Variants in ESRP2 observed in about 807,000 individuals in gnomAD.
The protein encoded by ESRP2 is RNA binding motif protein 35A.
A neutral mutation model predicts 78.6 loss-of-function variants in ESRP2; 48 were observed. The ratio of observed to expected loss-of-function variants is 0.61; its 90% confidence interval spans 0.48 to 0.78. The LOEUF (loss-of-function observed/expected upper bound fraction) is 0.78. Ranked by LOEUF, ESRP2 falls within the 30% of genes least tolerant of loss-of-function variation. The probability of loss-of-function intolerance (pLI) is 0.00; values close to 1 mark genes in which losing one functional copy is unlikely to be tolerated. For synonymous variants in ESRP2, 383 were observed against 406.7 expected (o/e 0.94, Z 0.70); for missense variants, 863 against 965.9 (o/e 0.89, Z 1.41).
chr16:68,232,551 G>C lies in ESRP2; in HGVS notation c.821+26C>G. 9 of 1,613,952 alleles carry C rather than the reference G, an allele frequency of 5.6e-6. No homozygotes were observed. The highest frequency in any genetic ancestry group is 7.6e-6 in the Non-Finnish European group (9 of 1,179,980). On this transcript the variant is annotated intron_variant, in intron 7 of 14. Transcript: ENST00000473183. This position sits in a 1 kb window ranked among gnomAD's most constrained non-coding sequence, Gnocchi z 5.2. ...GCCTCCTGGGTAGGCCTGTCCAATT[G>C]GGCCCACCCACCCTGCCACACCCAC...
chr16:68,232,556 C>T lies in ESRP2; in HGVS notation c.821+21G>A. 6.2e-7 allele frequency: 1 copy of T among 1,614,076 alleles called. No homozygotes were observed. Among genetic ancestry groups the T allele is most frequent in the Non-Finnish European group, 8.5e-7 (1 of 1,179,998 alleles). On this transcript the variant is annotated intron_variant, in intron 7 of 14. Coordinates refer to ENST00000473183, the MANE Select transcript of ESRP2 (RefSeq NM_024939.3). The surrounding 1 kb of genome is among the most constrained non-coding windows in gnomAD (Gnocchi z 5.2). ...CTGGGTAGGCCTGTCCAATTGGGCC[C>T]ACCCACCCTGCCACACCCACCTGGC...
chr16:68,234,436 G>A (rs2042193627), intron 2 of ESRP2: 2 of 251,560 alleles, frequency 8.0e-6, no homozygotes, highest in South Asian at 8.2e-5. Flanking sequence ...AAGGGGCGGG[G>A]CAAAGCAGGT....
At chr16:68,233,615 T>A in intron 4 of ESRP2, 153 bp downstream of exon 4, 1 of 737,436 alleles carries the variant, frequency 1.4e-6, no homozygotes, top group South Asian at 1.6e-5. Context: ...TCCAAACTCA[T>A]CCTAGCACAG....
At chr16:68,230,625 CCCTT>C in intron 13 of ESRP2, 71 bp from the exon 14 acceptor site, 1 of 1,495,874 alleles carries the variant, frequency 6.7e-7, no homozygotes, top group Non-Finnish European at 8.9e-7. Flanking sequence ...TTTCCCTCCT[CCCTT>C]GTTTCTGCCT....
In ESRP2 at chr16:68,231,297, T is replaced by A. The variant is rs1395287028; in HGVS notation, c.1592A>T (p.Lys531Met). The A allele has an allele frequency of 6.2e-7, 1 of 1,614,108 alleles. No homozygotes were observed. The highest frequency in any genetic ancestry group is 8.5e-7 in the Non-Finnish European group (1 of 1,179,996). The change falls in exon 12 of 15, where the codon AAG becomes ATG. Residue 531 changes from lysine to methionine, a missense_variant. Coordinates refer to ENST00000473183, the MANE Select transcript of ESRP2 (RefSeq NM_024939.3). The surrounding 1 kb of genome is among the most constrained non-coding windows in gnomAD (Gnocchi z 6.0). Reference protein sequence around the residue: ...ALAAAQRCHKKVMKERYVEVV... With the variant: ...ALAAAQRCHKMVMKERYVEVV... ...CTCCACGTAGCGCTCCTTCATCACC[T>A]TCTTATGGCAACGCTGAGCAGCAGC...
chr16:68,234,006 C>T lies in ESRP2; in HGVS notation c.429G>A (p.Glu143=). Residue 143 remains glutamate, a synonymous_variant, in exon 3 of 15, where the codon GAG becomes GAA. Transcript: ENST00000473183. ...TTCAGGAGCATACCTTCCTGGAGGC[C>T]TCGGGGTGCAGGACCTGTCGCAATA... The part of the protein sequence containing the change: ...QQLLRQVLHP[E]ASRKNLVLPD... 2.5e-6 allele frequency: 4 copies of T among 1,614,086 alleles called. No individual in the cohort carries two copies. The highest frequency in any genetic ancestry group is 2.2e-5 in the East Asian group (1 of 44,864).
At position 68,231,234 on chromosome 16, in the gene ESRP2, A is replaced by G; in HGVS notation, c.1655T>C (p.Leu552Pro). The G allele has an allele frequency of 6.2e-7, 1 of 1,613,984 alleles. No individual in the cohort carries two copies. Among genetic ancestry groups the G allele is most frequent in the Non-Finnish European group, 8.5e-7 (1 of 1,179,968 alleles). Reference sequence around the variant, plus strand: ...ACTGCGGCCCAAGGTGCCCCCCATCAGCACTCGGCTCATCTCCTCTGTGGA... The same window carrying G: ...ACTGCGGCCCAAGGTGCCCCCCATCGGCACTCGGCTCATCTCCTCTGTGGA... ...PCSTEEMSRV[L>P]MGGTLGRSGM... is the part of the protein sequence containing the mutation. The change falls in exon 12 of 15, where the codon CTG becomes CCG. Residue 552 changes from leucine to proline, a missense_variant. Leu to Pro is a moderately conservative substitution (Grantham distance 98). Coordinates refer to ENST00000473183, the MANE Select transcript of ESRP2 (RefSeq NM_024939.3). This position sits in a 1 kb window ranked among gnomAD's most constrained non-coding sequence, Gnocchi z 6.0.
At position 68,235,434 on chromosome 16, in the gene ESRP2, T is replaced by A. The variant is rs2151196880; in HGVS notation, c.327+200A>T. 1.0e-6 allele frequency: 1 copy of A among 985,304 alleles called. No individual in the cohort carries two copies. Among genetic ancestry groups the A allele is most frequent in the Non-Finnish European group, 1.2e-6 (1 of 829,900 alleles). 61.0% of individuals were successfully genotyped at this position (985,304 alleles called of 1,614,324 possible). A position where few individuals can be genotyped will look rare whatever the true frequency, so the allele number is the denominator to read the frequency against. On this transcript the variant is annotated intron_variant, in intron 2 of 14. Transcript: ENST00000473183. The surrounding 1 kb of genome is among the most constrained non-coding windows in gnomAD (Gnocchi z 5.5). ...GTAGGTTCCTGCAATGGTTGAAAAG[T>A]AAGGAGCCCAGGGGAATGGCTGGCA...
chr16:68,233,032 C>T, intron 5 of ESRP2: 3 of 642,800 alleles, frequency 4.7e-6, no homozygotes, highest in Non-Finnish European at 8.0e-6. Context: ...AACCCCATCT[C>T]TACTAAAAAT....
At position 68,231,993 on chromosome 16, in the gene ESRP2, G is replaced by T. The variant is rs537285679; in HGVS notation, c.1108C>A (p.Pro370Thr). Reference sequence around the variant, plus strand: ...GTACCCCCAGTCACTGGGCACTCTGGCCCCAGGAAGCCAAGCACGTCCGTT... The same window carrying T: ...GTACCCCCAGTCACTGGGCACTCTGTCCCCAGGAAGCCAAGCACGTCCGTT... ...GPTDVLGFLG[P>T]ECPVTGGTEG... is the part of the protein sequence containing the mutation. Residue 370 changes from proline to threonine, a missense_variant, in exon 10 of 15, where the codon CCA becomes ACA. By Grantham distance (38) the Pro-to-Thr change is conservative. Coordinates refer to ENST00000473183, the MANE Select transcript of ESRP2 (RefSeq NM_024939.3). The surrounding 1 kb of genome is among the most constrained non-coding windows in gnomAD (Gnocchi z 6.0). 1,578 of 1,614,098 alleles carry T rather than the reference G, an allele frequency of 9.8e-4. 26 individuals carry two copies. The South Asian group carries it at 0.016, about 17-fold the overall frequency.
chr16:68,231,851 C>A lies in ESRP2; in HGVS notation c.1250G>T (p.Gly417Val), dbSNP rs1227843650. Residue 417 changes from glycine to valine, a missense_variant, in exon 10 of 15, where the codon GGT becomes GTT. Coordinates refer to ENST00000473183, the MANE Select transcript of ESRP2 (RefSeq NM_024939.3). This position sits in a 1 kb window ranked among gnomAD's most constrained non-coding sequence, Gnocchi z 6.0. ...AALRRHKGML[G>V]KRYIELFRST... The stretch of plus-strand genomic sequence containing the variant: ...CCGGAAGAGTTCAATGTATCGCTTA[C>A]CCAGCATGCCCTTGTGCCTGCGCAG... The A allele has an allele frequency of 6.2e-7, 1 of 1,613,894 alleles. No individual in the cohort carries two copies.
rs376455570 is a variant in ESRP2, at chr16:68,232,385, C to T, written c.940G>A (p.Val314Ile). Residue 314 changes from valine to isoleucine, a missense_variant, in exon 8 of 15, where the codon GTC becomes ATC. Val to Ile is a conservative substitution (Grantham distance 29). Transcript: ENST00000473183. This position sits in a 1 kb window ranked among gnomAD's most constrained non-coding sequence, Gnocchi z 5.2. Reference sequence around the variant, plus strand: ...CAAAGCCCCACCTCAATATAGCGGACGCCCATGTGGTGCTTGTGTCTCTGC... The same window carrying T: ...CAAAGCCCCACCTCAATATAGCGGATGCCCATGTGGTGCTTGTGTCTCTGC... ...ALQRHKHHMG[V>I]RYIEVYKATG... 262 of 1,614,008 alleles carry T rather than the reference C, an allele frequency of 1.6e-4. 1 individual carries two copies. The highest frequency in any genetic ancestry group is 3.3e-4 in the Middle Eastern group (2 of 6,062).
In ESRP2 at chr16:68,232,894, T is replaced by C; in HGVS notation, c.656-79A>G. 2.5e-6 allele frequency: 4 copies of C among 1,592,478 alleles called. No individual in the cohort carries two copies. The highest frequency in any genetic ancestry group is 1.1e-5 in the South Asian group (1 of 90,694). The stretch of plus-strand genomic sequence containing the variant: ...ACCAAGTTCTGCAAAAAGTGGACAA[T>C]TGAGAGAGATGAAGAAATGACAGGC... On this transcript the variant is annotated intron_variant, in intron 5 of 14. Coordinates refer to ENST00000473183, the MANE Select transcript of ESRP2 (RefSeq NM_024939.3). This position sits in a 1 kb window ranked among gnomAD's most constrained non-coding sequence, Gnocchi z 5.2.
In ESRP2 at chr16:68,230,122, C is replaced by G. The variant is rs1216279338; in HGVS notation, c.*104G>C. ...TCTAGGTACCTTCTGAGAGCTTTGA[C>G]AAGCCAGAAAGAAGCTACCAGGTTG... is the stretch of plus-strand genomic sequence containing the variant. On this transcript the variant is annotated 3_prime_UTR_variant, in exon 15 of 15. Transcript: ENST00000473183. 3 of 1,108,902 alleles carry G rather than the reference C, an allele frequency of 2.7e-6. No homozygotes were observed. Among genetic ancestry groups the G allele is most frequent in the Non-Finnish European group, 4.1e-6 (3 of 736,130 alleles). The allele number at this position is 1,108,902 out of a possible 1,614,324, so 68.7% of individuals were successfully genotyped here.
rs774863464 is a variant in ESRP2, at chr16:68,231,391, T to C, written c.1513-15A>G. ...GATGGCCGGCCCTGTGCACACCATC[T>C]TGTGAGCAGTTTGTCATGTGTAAGA... On this transcript the variant is annotated splice_polypyrimidine_tract_variant and intron_variant, in intron 11 of 14. Transcript: ENST00000473183. This position sits in a 1 kb window ranked among gnomAD's most constrained non-coding sequence, Gnocchi z 6.0. 6.2e-7 allele frequency: 1 copy of C among 1,614,032 alleles called. No homozygotes were observed. Among genetic ancestry groups the C allele is most frequent in the South Asian group, 1.1e-5 (1 of 91,076 alleles).
Position 68,233,783 on chromosome 16 carries a change from C to T in ESRP2, c.541G>A (p.Ala181Thr). Residue 181 changes from alanine to threonine, a missense_variant, in exon 4 of 15, where the codon GCC (alanine) becomes ACC (threonine). By Grantham distance (58) the Ala-to-Thr change is moderately conservative (BLOSUM62 0). Transcript: ENST00000473183. ...TCACAGATACCCTGTGCCATGGTGGCCACAGTGAGGTCCCTGGCAGGGCAG... is the reference window on the plus strand; with the variant it reads ...TCACAGATACCCTGTGCCATGGTGGTCACAGTGAGGTCCCTGGCAGGGCAG... ...STCPARDLTV[A>T]TMAQGLGLET... 3 of 1,613,398 alleles carry T rather than the reference C, an allele frequency of 1.9e-6. No homozygotes were observed. Among genetic ancestry groups the T allele is most frequent in the Non-Finnish European group, 2.5e-6 (3 of 1,179,486 alleles).
In ESRP2 at chr16:68,232,710, T is replaced by C; in HGVS notation, c.711-23A>G. ...CTGCTGTAGGGGCAGGGCACAGTGC[T>C]GTCAGAGCTATTCAGCTGTTGTCAC... On this transcript the variant is annotated intron_variant, in intron 6 of 14. Transcript: ENST00000473183. This position sits in a 1 kb window ranked among gnomAD's most constrained non-coding sequence, Gnocchi z 5.2. 1 of 1,614,214 alleles carries C rather than the reference T, an allele frequency of 6.2e-7. No homozygotes were observed. The highest frequency in any genetic ancestry group is 8.5e-7 in the Non-Finnish European group (1 of 1,180,026).
rs1264302798 is a variant in ESRP2 at position 68,235,842 on chromosome 16, C to A, written c.198+6G>T. 7 of 1,611,656 alleles carry A rather than the reference C, an allele frequency of 4.3e-6. No homozygotes were observed. The highest frequency in any genetic ancestry group is 5.9e-6 in the Non-Finnish European group (7 of 1,179,486). ...TGGGGACCTCACCGCCTCTTTTCCA[C>A]CCTACCTGGCGGCTCCGCGGCTCAA... On this transcript the variant is annotated splice_donor_region_variant and intron_variant, in intron 1 of 14. Coordinates refer to ENST00000473183, the MANE Select transcript of ESRP2 (RefSeq NM_024939.3). This position sits in a 1 kb window ranked among gnomAD's most constrained non-coding sequence, Gnocchi z 5.5.
intron 2 of ESRP2, chr16:68,234,943 TA>T: frequency 5.7e-6 from 1 of 176,082 alleles, no homozygotes; most frequent in Non-Finnish European, 1.1e-5. Flanking sequence ...CGTGAGTGTA[TA>T]AAAAGGACTT....
Sources: allele counts gnomAD v4.1 joint callset, GRCh38; gene constraint gnomAD v4.1.1; non-coding constraint Gnocchi (gnomAD v3.1); transcripts MANE v1.5; gene names NCBI Gene and HGNC (gene_info 2026-07-23, HGNC 2026-07-21).